TMEM132D: variants seen among roughly 807,000 people sequenced by gnomAD.
TMEM132D encodes the protein transmembrane protein 132D, also known as mature OL transmembrane protein.
Under a neutral mutation model 62.3 loss-of-function variants are expected in TMEM132D, and 21 were observed. The ratio of observed to expected loss-of-function variants is 0.34; its 90% confidence interval spans 0.24 to 0.49. The LOEUF (loss-of-function observed/expected upper bound fraction) is 0.49, where lower values mean the gene tolerates loss of function less well. Among genes scored for constraint, TMEM132D ranks in the 20% least tolerant of loss-of-function variants. The pLI, the probability that TMEM132D is intolerant of heterozygous loss-of-function variation, is 0.99. For missense variants in TMEM132D, 1,346 were observed against 1,402.8 expected, an observed-to-expected ratio of 0.96 and a Z score of 0.65; for synonymous variants, 621 against 575.6, an observed-to-expected ratio of 1.08 and a Z score of -1.13.
chr12:129,515,211 C>T (rs963792756), intron 3 of TMEM132D, among the ~76,000 whole-genome samples: 5 of 152,196 alleles, frequency 3.3e-5, no homozygotes, highest in Non-Finnish European at 5.9e-5. Flanking sequence ...ACAGACTTAA[C>T]GTTCCCCAGA....
chr12:129,628,348 C>A (rs1879274156), intron 2 of TMEM132D, among the ~76,000 whole-genome samples: 1 of 152,108 alleles, frequency 6.6e-6, no homozygotes, highest in African/African-American at 2.4e-5. Flanking sequence ...CAAGGCAGAG[C>A]AGGGCAATGT....
intron 5 of TMEM132D, among the ~76,000 whole-genome samples, chr12:129,087,653 C>G (rs1270287115): frequency 6.6e-6 from 1 of 152,142 alleles, no homozygotes; most frequent in Non-Finnish European, 1.5e-5. Flanking sequence ...CCCACTAGAG[C>G]CTCTGGAGGG....
Position 129,803,171 on chromosome 12 carries a change from G to A in TMEM132D, c.79+100090C>T, listed in dbSNP as rs530535540. ...CAAGGATACCCAGGAATTCAACTCA[G>A]CTCTGCACCAAGCGGGCCTAATAGA... is the stretch of plus-strand genomic sequence containing the variant. On this transcript the variant is annotated intron_variant, in intron 1 of 8. Transcript: ENST00000422113. Among the ~76,000 whole-genome samples the A allele has an allele frequency of 5.9e-5, 9 of 151,750 alleles. No homozygotes were observed. The South Asian group carries it at 1.5e-3, about 25-fold the overall frequency.
intron 5 of TMEM132D, among the ~76,000 whole-genome samples, chr12:129,123,820 A>C (rs77290301): frequency 0.032 from 4,859 of 152,192 alleles, 256 homozygotes; most frequent in African/African-American, 0.11. Context: ...TTTACTGGGA[A>C]ATCCATCACT....
intron 4 of TMEM132D, among the ~76,000 whole-genome samples, chr12:129,293,489 A>G (rs1028568693): frequency 1.3e-5 from 2 of 152,192 alleles, no homozygotes; most frequent in African/African-American, 4.8e-5. Context: ...GGATGATTCA[A>G]GTGCATTACT....
chr12:129,745,288 C>A (rs922798960), intron 1 of TMEM132D, among the ~76,000 whole-genome samples: 1 of 152,196 alleles, frequency 6.6e-6, no homozygotes, highest in Non-Finnish European at 1.5e-5. Context: ...CAATGTTCTA[C>A]TTCATAGTAT....
intron 3 of TMEM132D, among the ~76,000 whole-genome samples, chr12:129,508,091 C>T (rs921033994): frequency 2.6e-5 from 4 of 152,072 alleles, no homozygotes; most frequent in African/African-American, 7.2e-5. Context: ...GAAGCTCTCA[C>T]TAGATTTGGG....
chr12:129,750,855 A>T (rs369983052), intron 1 of TMEM132D, among the ~76,000 whole-genome samples: 1 of 152,318 alleles, frequency 6.6e-6, no homozygotes, highest in East Asian at 1.9e-4. Context: ...CACCAAAAAA[A>T]AAATAAATGT....
chr12:129,080,764 A>G (rs924081840), intron 7 of TMEM132D, among the ~76,000 whole-genome samples: 3 of 152,266 alleles, frequency 2.0e-5, no homozygotes, highest in African/African-American at 7.2e-5. Flanking sequence ...CTGCACTTGC[A>G]CCCCTTACAT....
At chr12:129,156,410 C>T (rs1033074601) in intron 5 of TMEM132D, among the ~76,000 whole-genome samples, 1 of 152,228 alleles carries the variant, frequency 6.6e-6, no homozygotes, top group African/African-American at 2.4e-5. Context: ...AACCAACCCA[C>T]TCTCATGAGA....
intron 3 of TMEM132D, among the ~76,000 whole-genome samples, chr12:129,400,057 C>G (rs1593365307): frequency 6.6e-6 from 1 of 151,450 alleles, no homozygotes; most frequent in African/African-American, 2.4e-5. Context: ...TTGCATACAA[C>G]AATACATTCT....
At chr12:129,727,826 G>A (rs888639313) in intron 1 of TMEM132D, among the ~76,000 whole-genome samples, 2 of 148,628 alleles carry the variant, frequency 1.3e-5, no homozygotes, top group Non-Finnish European at 3.0e-5. Flanking sequence ...CATATATTTT[G>A]AATGATGAAA....
In TMEM132D at chr12:129,700,271, C is replaced by T. The variant is rs1410980491; in HGVS notation, c.507G>A (p.Arg169=). 6.2e-7 allele frequency: 1 copy of T among 1,613,554 alleles called. No individual in the cohort carries two copies. The highest frequency in any genetic ancestry group is 1.1e-5 in the South Asian group (1 of 91,088). The change falls in exon 2 of 9, where the codon AGG becomes AGA. Residue 169 remains arginine, a synonymous_variant. Transcript: ENST00000422113. ...CTCGGGTCTCTCGGAAAGCAAAGAC[C>T]CTCAGGCACGGCAGCTTCTCCCCGG... The part of the protein sequence containing the change: ...RSAGEKLPCL[R]VFAFRETREV...
chr12:129,509,538 A>G (rs1875436870), intron 3 of TMEM132D, among the ~76,000 whole-genome samples: 3 of 152,090 alleles, frequency 2.0e-5, no homozygotes, highest in African/African-American at 4.8e-5. Context: ...GACTATAATC[A>G]CCCTGTTGTG....
intron 4 of TMEM132D, among the ~76,000 whole-genome samples, chr12:129,290,806 T>C (rs1396881943): frequency 6.6e-6 from 1 of 152,226 alleles, no homozygotes; most frequent in Non-Finnish European, 1.5e-5. Flanking sequence ...GAATGATCTG[T>C]AACCCATGGC....
At chr12:129,270,256 A>G (rs558846082) in intron 4 of TMEM132D, among the ~76,000 whole-genome samples, 2 of 152,284 alleles carry the variant, frequency 1.3e-5, no homozygotes, top group South Asian at 4.1e-4. Context: ...CCTCTAAGCA[A>G]AGCTACAAAG....
chr12:129,272,444 A>G (rs1157384124), intron 4 of TMEM132D, among the ~76,000 whole-genome samples: 1 of 151,894 alleles, frequency 6.6e-6, no homozygotes, highest in East Asian at 1.9e-4. Context: ...GGAAATTAGG[A>G]ATTAAGTTCC....
chr12:129,237,065 G>C (rs1457433715), intron 4 of TMEM132D, among the ~76,000 whole-genome samples: 1 of 152,042 alleles, frequency 6.6e-6, no homozygotes, highest in African/African-American at 2.4e-5. Flanking sequence ...TTTGCATCCG[G>C]GGGTAAATTC....
At chr12:129,466,665 G>A (rs1873917492) in intron 3 of TMEM132D, among the ~76,000 whole-genome samples, 1 of 152,092 alleles carries the variant, frequency 6.6e-6, no homozygotes, top group South Asian at 2.1e-4. Context: ...CTGTTCGACA[G>A]GCACTTCAGG....
Sources: allele counts gnomAD v4.1 joint callset (sites outside exome capture counted in the v4.1 genomes callset), GRCh38; gene constraint gnomAD v4.1.1; transcripts MANE v1.5; gene names NCBI Gene and HGNC (gene_info 2026-07-23, HGNC 2026-07-21).